FSTL1: variants seen among roughly 807,000 people sequenced by gnomAD.
FSTL1 encodes the protein follistatin like 1, also known as follistatin-related protein 1.
A neutral mutation model predicts 45.9 loss-of-function variants in FSTL1; 24 were observed. That is an observed-to-expected ratio of 0.52 (90% confidence interval 0.38 to 0.74). The LOEUF is 0.74. Ranked by LOEUF, FSTL1 falls within the 30% of genes least tolerant of loss-of-function variation. The probability of loss-of-function intolerance (pLI) is 0.00; values close to 1 mark genes in which losing one functional copy is unlikely to be tolerated. For synonymous variants in FSTL1, 120 were observed against 137.6 expected (o/e 0.87, Z 0.89); for missense variants, 340 against 381.8 (o/e 0.89, Z 0.91).
intron 3 of FSTL1, among the ~76,000 whole-genome samples, chr3:120,415,202 C>A (rs1267285798): frequency 6.7e-6 from 1 of 150,260 alleles, no homozygotes. Flanking sequence ...TCTGACCTAG[C>A]AAGCCCTGGT....
In FSTL1 at chr3:120,404,930, G is replaced by A. The variant is rs374264814; in HGVS notation, c.504C>T (p.Phe168=). The change falls in exon 7 of 11, where the codon TTC becomes TTT. Residue 168 remains phenylalanine, a synonymous_variant. Transcript: ENST00000295633. The part of the protein sequence containing the change: ...NGDSRLDSSE[F]LKFVEQNETA... ...TTTCATTCTGTTCCACAAACTTCAG[G>A]AATTCACTGGAGTCCAGGCGAGAAT... The A allele has an allele frequency of 1.3e-5, 21 of 1,602,188 alleles. No homozygotes were observed. The African/African-American group carries it at 2.8e-4, about 21-fold the overall frequency.
intron 2 of FSTL1, 28 bp from the exon 3 acceptor site, chr3:120,416,055 G>C: frequency 6.9e-7 from 1 of 1,457,492 alleles, no homozygotes; most frequent in Non-Finnish European, 9.6e-7. Flanking sequence ...AAAGGAAACC[G>C]TGTGACTGAG....
At position 120,393,527 on chromosome 3, in the gene FSTL1, T is replaced by C. The variant is rs1370139384; in HGVS notation, c.*3425A>G. The C allele has an allele frequency of 6.6e-6, 1 of 152,220 alleles. No individual in the cohort carries two copies. Among genetic ancestry groups the C allele is most frequent in the Non-Finnish European group, 1.5e-5 (1 of 68,040 alleles). 9.4% of individuals were successfully genotyped at this position (152,220 alleles called of 1,614,324 possible). A position where few individuals can be genotyped will look rare whatever the true frequency, so the allele number is the denominator to read the frequency against. On this transcript the variant is annotated 3_prime_UTR_variant, in exon 11 of 11. Coordinates refer to ENST00000295633, the MANE Select transcript of FSTL1 (RefSeq NM_007085.5). ...AGGTTATTTAGCCTGTCCCTGGCAA[T>C]GATTCCATGTTCCCTGTACTACCTT...
chr3:120,404,502 T>C (rs9810151), intron 7 of FSTL1, among the ~76,000 whole-genome samples: 18,379 of 152,246 alleles, frequency 0.12, 1,268 homozygotes, highest in African/African-American at 0.17. Context: ...TTTAGACCTA[T>C]AGTTAAATAA....
intron 10 of FSTL1, among the ~76,000 whole-genome samples, chr3:120,398,255 T>C (rs1936743635): frequency 6.6e-6 from 1 of 152,136 alleles, no homozygotes; most frequent in African/African-American, 2.4e-5. Flanking sequence ...ATTAAAGAAA[T>C]AAATTTTTAA....
At chr3:120,406,689 G>A (rs1936954731) in intron 6 of FSTL1, among the ~76,000 whole-genome samples, 1 of 152,200 alleles carries the variant, frequency 6.6e-6, no homozygotes, top group South Asian at 2.1e-4. Context: ...AGCCTGGAAT[G>A]CCTGGGGGGT....
chr3:120,402,071 T>A (rs557316247), intron 9 of FSTL1, among the ~76,000 whole-genome samples: 2 of 152,190 alleles, frequency 1.3e-5, no homozygotes, highest in Non-Finnish European at 2.9e-5. Context: ...AGGACCCAGA[T>A]GGGACTCCAG....
rs1429168694 is a variant in FSTL1, at chr3:120,412,838, G to GCGCACA, written c.169-856_169-855insTGTGCG. Among the ~76,000 whole-genome samples the GCGCACA allele has an allele frequency of 6.7e-3, 712 of 105,982 alleles. 5 individuals are homozygous for GCGCACA. The highest frequency in any genetic ancestry group is 0.026 in the East Asian group (86 of 3,268). The allele number at this position is 105,982 out of a possible 152,430, so 69.5% of individuals were successfully genotyped here. ...CACATGTGCGCGCGCGCGCGCGCGC[G>GCGCACA]CACACACACACACACACACACACAC... On this transcript the variant is annotated intron_variant, in intron 3 of 10. Transcript: ENST00000295633.
At chr3:120,412,941 T>C (rs1420865988) in intron 3 of FSTL1, among the ~76,000 whole-genome samples, 1 of 152,034 alleles carries the variant, frequency 6.6e-6, no homozygotes, top group East Asian at 1.9e-4. Context: ...GAACACTTTG[T>C]TTTCCTCCTG....
intron 3 of FSTL1, among the ~76,000 whole-genome samples, chr3:120,413,355 C>T (rs1937109539): frequency 6.6e-6 from 1 of 152,168 alleles, no homozygotes; most frequent in South Asian, 2.1e-4. Flanking sequence ...AATGTGGGCA[C>T]TGTCTTCACA....
At chr3:120,404,298 G>GAAAAAAAAATAGGAAAA (rs1936903732) in intron 7 of FSTL1, among the ~76,000 whole-genome samples, 1 of 152,006 alleles carries the variant, frequency 6.6e-6, no homozygotes, top group Admixed American at 6.5e-5. Context: ...CACTTCTTTT[G>GAAAAAAAAATAGGAAAA]AAAAAAAGAC....
chr3:120,450,560 C>G (rs967956820), intron 2 of FSTL1, 124 bp downstream of exon 2: 1 of 583,704 alleles, frequency 1.7e-6, no homozygotes, highest in Non-Finnish European at 2.9e-6. Flanking sequence ...CCCAGCACAC[C>G]CCAAGGACCG....
intron 2 of FSTL1, among the ~76,000 whole-genome samples, chr3:120,431,876 A>C (rs564200389): frequency 1.3e-5 from 2 of 152,238 alleles, no homozygotes; most frequent in African/African-American, 4.8e-5. Context: ...AGTAATGAGG[A>C]CCTAGTCCTT....
intron 5 of FSTL1, chr3:120,410,457 A>G: frequency 3.5e-6 from 1 of 282,062 alleles, no homozygotes; most frequent in South Asian, 3.5e-5. Flanking sequence ...GGTAATTACA[A>G]TAAGATCTAC....
chr3:120,410,501 T>C, intron 5 of FSTL1: 1 of 309,094 alleles, frequency 3.2e-6, no homozygotes, highest in Non-Finnish European at 6.4e-6. Flanking sequence ...CTAAGGAAAG[T>C]ATGTGCAAAA....
intron 6 of FSTL1, among the ~76,000 whole-genome samples, chr3:120,405,993 G>A (rs1157537883): frequency 6.6e-6 from 1 of 152,128 alleles, no homozygotes; most frequent in Non-Finnish European, 1.5e-5. Context: ...CCCAGATGGT[G>A]CAAGGGATTC....
At chr3:120,412,806 A>ACG (rs1937085379) in intron 3 of FSTL1, among the ~76,000 whole-genome samples, 1 of 135,494 alleles carries the variant, frequency 7.4e-6, no homozygotes, top group Admixed American at 7.9e-5. Context: ...AGGCAGGCAA[A>ACG]CACACACACA....
At chr3:120,425,451 G>A (rs1249725312) in intron 2 of FSTL1, among the ~76,000 whole-genome samples, 5 of 152,070 alleles carry the variant, frequency 3.3e-5, no homozygotes, top group Admixed American at 3.3e-4. Flanking sequence ...GATGTCCTGT[G>A]TAAGAAGAAT....
intron 2 of FSTL1, among the ~76,000 whole-genome samples, chr3:120,444,118 A>G (rs1005086771): frequency 1.3e-5 from 2 of 149,972 alleles, no homozygotes; most frequent in African/African-American, 5.1e-5. Flanking sequence ...AACTTGGGCC[A>G]AAATCTGGTG....
Sources: gnomAD v4.1 joint callset for allele counts (sites outside exome capture counted in the v4.1 genomes callset) on GRCh38, gnomAD v4.1.1 for gene constraint, MANE v1.5 for transcripts, NCBI Gene and HGNC (gene_info 2026-07-23, HGNC 2026-07-21) for gene names.